Variants in RSRC1 observed in about 807,000 individuals in gnomAD.
RSRC1 encodes arginine and serine rich coiled-coil 1.
Under a neutral mutation model 49.1 loss-of-function variants are expected in RSRC1, and 39 were observed. The ratio of observed to expected loss-of-function variants is 0.79; its 90% confidence interval spans 0.61 to 1.04. The LOEUF (loss-of-function observed/expected upper bound fraction) is 1.04. RSRC1 is among the 50% of genes least tolerant of loss of function. The pLI is 0.00. For missense variants in RSRC1, 388 were observed against 402.4 expected, an observed-to-expected ratio of 0.96 and a Z score of 0.31; for synonymous variants, 143 against 130.8, an observed-to-expected ratio of 1.09 and a Z score of -0.63.
intron 4 of RSRC1, among the ~76,000 whole-genome samples, chr3:158,279,903 C>T (rs1726043767): frequency 6.6e-6 from 1 of 152,060 alleles, no homozygotes; most frequent in South Asian, 2.1e-4. Flanking sequence ...CAGTGGGACT[C>T]TGGGAAACCA....
chr3:158,329,955 C>T (rs1450127365), intron 5 of RSRC1, among the ~76,000 whole-genome samples: 9 of 152,336 alleles, frequency 5.9e-5, no homozygotes, highest in Admixed American at 4.6e-4. Context: ...CCACCAGCCT[C>T]GCTGCCGCCT....
At chr3:158,342,542 A>G (rs1578363653) in intron 5 of RSRC1, among the ~76,000 whole-genome samples, 1 of 151,888 alleles carries the variant, frequency 6.6e-6, no homozygotes, top group Admixed American at 6.6e-5. Flanking sequence ...ATCCAATTAA[A>G]CCTCTTTCTG....
At position 158,518,141 on chromosome 3, in the gene RSRC1, TATATATA is replaced by T. The variant is rs1453902239; in HGVS notation, c.653-18950_653-18944del. Reference sequence around the variant, plus strand: ...GTGTGTGTGTGTATATATATATATATATATATATTTTTTTTTTTTTTTTTTTTACTCC... The same window carrying T: ...GTGTGTGTGTGTATATATATATATATTTTTTTTTTTTTTTTTTTTTACTCC... On this transcript the variant is annotated intron_variant, in intron 7 of 9. Transcript: ENST00000611884. Among the ~76,000 whole-genome samples the T allele has an allele frequency of 3.4e-4, 39 of 115,790 alleles. 3 individuals are homozygous for T. Among genetic ancestry groups the T allele is most frequent in the South Asian group, 1.7e-3 (6 of 3,550 alleles). The allele number at this position is 115,790 out of a possible 152,430, so 76.0% of individuals were successfully genotyped here. A position where few individuals can be genotyped will look rare whatever the true frequency, so the allele number is the denominator to read the frequency against.
intron 6 of RSRC1, among the ~76,000 whole-genome samples, chr3:158,443,423 A>G (rs764704767): frequency 1.3e-5 from 2 of 152,158 alleles, no homozygotes; most frequent in Non-Finnish European, 2.9e-5. Context: ...TATGTTATGA[A>G]GATTACTTCT....
intron 4 of RSRC1, among the ~76,000 whole-genome samples, chr3:158,209,008 G>T (rs1721509014): frequency 6.6e-6 from 1 of 152,198 alleles, no homozygotes; most frequent in South Asian, 2.1e-4. Context: ...GAACAAATAT[G>T]TAAGTAGCCA....
intron 6 of RSRC1, among the ~76,000 whole-genome samples, chr3:158,420,605 T>C (rs1486402272): frequency 2.0e-5 from 3 of 151,934 alleles, no homozygotes; most frequent in Non-Finnish European, 2.9e-5. Context: ...TAAGATCCTT[T>C]TTATATCGTG....
chr3:158,460,176 AT>A (rs1314480727), intron 6 of RSRC1, among the ~76,000 whole-genome samples: 1 of 151,906 alleles, frequency 6.6e-6, no homozygotes, highest in African/African-American at 2.4e-5. Flanking sequence ...TTAGAGACTT[AT>A]TTTCACTTAG....
chr3:158,503,517 G>A (rs1739708548), intron 7 of RSRC1, among the ~76,000 whole-genome samples: 1 of 152,128 alleles, frequency 6.6e-6, no homozygotes, highest in Non-Finnish European at 1.5e-5. Flanking sequence ...TAGGGGCAGG[G>A]CTAGGCATGT....
intron 3 of RSRC1, among the ~76,000 whole-genome samples, chr3:158,188,012 G>A (rs75461423): frequency 3.3e-5 from 5 of 152,006 alleles, no homozygotes; most frequent in South Asian, 4.1e-4. Context: ...TCATGCAGCC[G>A]TGAGATAACC....
At chr3:158,299,490 A>G (rs1250517349) in intron 5 of RSRC1, among the ~76,000 whole-genome samples, 1 of 151,420 alleles carries the variant, frequency 6.6e-6, no homozygotes, top group African/African-American at 2.4e-5. Flanking sequence ...CCGTCACCAC[A>G]CTCAGCTATT....
intron 6 of RSRC1, among the ~76,000 whole-genome samples, chr3:158,439,496 G>C (rs1023625591): frequency 6.6e-6 from 1 of 152,116 alleles, no homozygotes; most frequent in Non-Finnish European, 1.5e-5. Flanking sequence ...AAAAAAGGAG[G>C]AGTTCATGTC....
At chr3:158,305,520 G>C (rs1339190571) in intron 5 of RSRC1, among the ~76,000 whole-genome samples, 2 of 151,824 alleles carry the variant, frequency 1.3e-5, no homozygotes, top group African/African-American at 4.8e-5. Context: ...AAACACTGTA[G>C]GCTTACCTTC....
At chr3:158,447,750 A>G (rs1736798926) in intron 6 of RSRC1, among the ~76,000 whole-genome samples, 1 of 151,944 alleles carries the variant, frequency 6.6e-6, no homozygotes, top group South Asian at 2.1e-4. Flanking sequence ...TATAAATAAA[A>G]ATATGTAATT....
chr3:158,351,634 T>C (rs1045551306), intron 5 of RSRC1, among the ~76,000 whole-genome samples: 6 of 152,008 alleles, frequency 3.9e-5, no homozygotes, highest in Non-Finnish European at 7.4e-5. Context: ...TATATGCATT[T>C]ATATCTATGT....
chr3:158,500,261 G>T (rs1739530813), intron 7 of RSRC1, among the ~76,000 whole-genome samples: 1 of 152,140 alleles, frequency 6.6e-6, no homozygotes, highest in Admixed American at 6.5e-5. Context: ...GTTGGATTCA[G>T]TGAGCTGGTA....
chr3:158,134,665 CTT>C lies in RSRC1; in HGVS notation c.320+10677_320+10678del, dbSNP rs1481075413. ...ATGTCACGGAGTTCTTGGTGGGAATCTTTTGATTAGTCTGACTTTTGTCCTTG... is the reference window on the plus strand; with the variant it reads ...ATGTCACGGAGTTCTTGGTGGGAATCTTGATTAGTCTGACTTTTGTCCTTG... On this transcript the variant is annotated intron_variant, in intron 3 of 9. Coordinates refer to ENST00000611884, the MANE Select transcript of RSRC1 (RefSeq NM_001271838.2). Among the ~76,000 whole-genome samples the C allele has an allele frequency of 8.5e-5, 13 of 152,152 alleles. No homozygotes were observed. In the East Asian group the frequency reaches 1.7e-3, roughly 20 times the overall value.
At chr3:158,170,177 T>G (rs1237254514) in intron 3 of RSRC1, among the ~76,000 whole-genome samples, 1 of 152,154 alleles carries the variant, frequency 6.6e-6, no homozygotes, top group African/African-American at 2.4e-5. Context: ...TTATTTTTAT[T>G]CTATGAACAT....
rs201643460 is a variant in RSRC1 at position 158,198,312 on chromosome 3, AC to A, written c.321-4756del. Reference sequence around the variant, plus strand: ...TGTTTTATCAGAGACTAGGATTGCAACCCCTGCCTTTTTTTGTTTCCCATTT... The same window carrying A: ...TGTTTTATCAGAGACTAGGATTGCAACCCTGCCTTTTTTTGTTTCCCATTT... On this transcript the variant is annotated intron_variant, in intron 3 of 9. Coordinates refer to ENST00000611884, the MANE Select transcript of RSRC1 (RefSeq NM_001271838.2). Among the ~76,000 whole-genome samples, 97 of 151,952 alleles carry A rather than the reference AC, an allele frequency of 6.4e-4. 1 individual carries two copies. The East Asian group carries it at 0.019, about 29-fold the overall frequency.
chr3:158,245,632 CATT>C (rs1723845550), intron 4 of RSRC1, among the ~76,000 whole-genome samples: 2 of 152,118 alleles, frequency 1.3e-5, no homozygotes, highest in Non-Finnish European at 2.9e-5. Flanking sequence ...TAAAGTCTCC[CATT>C]ATTGTTGTGT....
Sources: gnomAD v4.1 joint callset for allele counts (sites outside exome capture counted in the v4.1 genomes callset) on GRCh38, gnomAD v4.1.1 for gene constraint, MANE v1.5 for transcripts, NCBI Gene and HGNC (gene_info 2026-07-23, HGNC 2026-07-21) for gene names.